Variants in ANKRD28 observed in about 807,000 individuals in gnomAD.
The protein encoded by ANKRD28 is serine/threonine-protein phosphatase 6 regulatory ankyrin repeat subunit A.
Under a neutral mutation model 126.5 loss-of-function variants are expected in ANKRD28, and 44 were observed. The observed-to-expected ratio is 0.35, with a 90% CI of 0.27 to 0.45. The LOEUF is 0.45. Among genes scored for constraint, ANKRD28 ranks in the 20% least tolerant of loss-of-function variants. The pLI is 1.00. For missense variants in ANKRD28, 1,110 were observed against 1,316.6 expected (o/e 0.84, Z 2.43); for synonymous variants, 442 against 468.5 (o/e 0.94, Z 0.73).
At chr3:15,775,997 A>C (rs1332108842) in intron 2 of ANKRD28, among the ~76,000 whole-genome samples, 1 of 152,168 alleles carries the variant, frequency 6.6e-6, no homozygotes, top group Non-Finnish European at 1.5e-5. Flanking sequence ...CTCATCTTTA[A>C]GCTATCTGAG....
chr3:15,764,914 T>C (rs533788247), intron 3 of ANKRD28, among the ~76,000 whole-genome samples: 16 of 152,310 alleles, frequency 1.1e-4, no homozygotes, highest in African/African-American at 3.1e-4. Flanking sequence ...AAATCTGATA[T>C]AGAAATAAGG....
chr3:15,800,027 C>A (rs2060430807), upstream of ANKRD28, among the ~76,000 whole-genome samples: 1 of 151,910 alleles, frequency 6.6e-6, no homozygotes, highest in Non-Finnish European at 1.5e-5. Flanking sequence ...AATAAGTGAA[C>A]AATTAAAATT....
chr3:15,765,984 T>C (rs2058718797), intron 3 of ANKRD28, among the ~76,000 whole-genome samples: 2 of 152,196 alleles, frequency 1.3e-5, no homozygotes, highest in Admixed American at 6.5e-5. Context: ...CTTGTATTTA[T>C]TGCTTGTTTT....
At chr3:15,721,413 C>T (rs2470520) in intron 7 of ANKRD28, among the ~76,000 whole-genome samples, 74,975 of 151,938 alleles carry the variant, frequency 0.49, 20,467 homozygotes, top group Middle Eastern at 0.6. Flanking sequence ...TTCAGGGAAA[C>T]GTAAACTAAT....
intron 8 of ANKRD28, among the ~76,000 whole-genome samples, chr3:15,715,483 T>C (rs2072896501): frequency 1.3e-5 from 2 of 152,238 alleles, no homozygotes; most frequent in East Asian, 1.9e-4. Context: ...ACTTAAGTGT[T>C]TGATTCCATA....
chr3:15,809,159 C>T (rs1273903359), intron 1 of ANKRD28, among the ~76,000 whole-genome samples: 3 of 152,156 alleles, frequency 2.0e-5, no homozygotes, highest in Non-Finnish European at 4.4e-5. Context: ...CAGTAGCCTT[C>T]CCTTACTTCA....
rs2125564444 is a variant in ANKRD28 at position 15,669,551 on chromosome 3, T to G, written c.*719A>C. 1 of 152,262 alleles carries G rather than the reference T, an allele frequency of 6.6e-6. No individual in the cohort carries two copies. Among genetic ancestry groups the G allele is most frequent in the East Asian group, 1.9e-4 (1 of 5,186 alleles). 9.4% of individuals were successfully genotyped at this position (152,262 alleles called of 1,614,324 possible). A position where few individuals can be genotyped will look rare whatever the true frequency, so the allele number is the denominator to read the frequency against. ...ACCCGTATTGCACCCAGTCAGCTGG[T>G]TTTTAATTCTAATAGTATAAAAATT... On this transcript the variant is annotated 3_prime_UTR_variant, in exon 28 of 28. Coordinates refer to ENST00000683139, the MANE Select transcript of ANKRD28 (RefSeq NM_001349278.2).
rs144915001 is a variant in ANKRD28, at chr3:15,768,777, G to A, written c.202-2465C>T. 7.6e-3 allele frequency among the ~76,000 whole-genome samples: 1,152 copies of A among 152,274 alleles called. 6 individuals carry two copies. Among genetic ancestry groups the A allele is most frequent in the African/African-American group, 8.5e-3 (355 of 41,542 alleles). Reference sequence around the variant, plus strand: ...CCTTAAAATAGTAACAGGTGTTCCAGTAAAGGGAGGTTGATATAGTGCCAA... The same window carrying A: ...CCTTAAAATAGTAACAGGTGTTCCAATAAAGGGAGGTTGATATAGTGCCAA... On this transcript the variant is annotated intron_variant, in intron 2 of 27. Transcript: ENST00000683139.
intron 4 of ANKRD28, among the ~76,000 whole-genome samples, chr3:15,743,371 C>CA (rs1223422962): frequency 3.4e-5 from 5 of 147,840 alleles, no homozygotes; most frequent in African/African-American, 1.3e-4. Context: ...AACAAACAAA[C>CA]AAACAAAAAA....
intron 3 of ANKRD28, chr3:15,756,551 C>A (rs190351938): frequency 1.3e-5 from 13 of 982,396 alleles, no homozygotes; most frequent in South Asian, 4.7e-5. Flanking sequence ...AAGACACAGT[C>A]ATGGGTTAGT....
chr3:15,755,015 G>A (rs2058078044), intron 3 of ANKRD28, among the ~76,000 whole-genome samples: 1 of 152,096 alleles, frequency 6.6e-6, no homozygotes, highest in Non-Finnish European at 1.5e-5. Context: ...AAGCTTCCAA[G>A]CTACTCGGGA....
intron 1 of ANKRD28, among the ~76,000 whole-genome samples, chr3:15,796,031 T>C (rs73040264): frequency 0.088 from 13,428 of 152,206 alleles, 791 homozygotes; most frequent in East Asian, 0.33. Flanking sequence ...GAAAAGGCCA[T>C]GCCTTAGTGT....
At chr3:15,728,998 A>G (rs746999857) in intron 6 of ANKRD28, among the ~76,000 whole-genome samples, 3 of 152,218 alleles carry the variant, frequency 2.0e-5, no homozygotes, top group Non-Finnish European at 4.4e-5. Flanking sequence ...ACCCAGGCTC[A>G]TGTAACTGAC....
At chr3:15,798,212 C>CGGCTTAACT (rs1201405658), upstream of ANKRD28, 185 of 971,988 alleles carry the variant, frequency 1.9e-4, no homozygotes, top group Non-Finnish European at 2.2e-4. Flanking sequence ...CAATTCCAAA[C>CGGCTTAACT]GGCTTAACTG....
chr3:15,743,938 A>C (rs538990330), intron 4 of ANKRD28, among the ~76,000 whole-genome samples: 1 of 152,236 alleles, frequency 6.6e-6, no homozygotes, highest in Non-Finnish European at 1.5e-5. Flanking sequence ...AGAATTTAGA[A>C]AACAGTCACT....
rs1466595814 is a variant in ANKRD28 at position 15,814,062 on chromosome 3, C to A, written c.28-18756G>T. ...ACGGCTATACTAAGTCTTCCACTAA[C>A]ACAGGGTCCACTACTATAAATGTTT... On this transcript the variant is annotated intron_variant, in intron 1 of 27. Transcript: ENST00000399451. The surrounding 1 kb of genome is among the most constrained non-coding windows in gnomAD (Gnocchi z 4.7). 6.6e-6 allele frequency among the ~76,000 whole-genome samples: 1 copy of A among 152,170 alleles called. No individual in the cohort carries two copies. The highest frequency in any genetic ancestry group is 2.4e-5 in the African/African-American group (1 of 41,428).
intron 1 of ANKRD28, among the ~76,000 whole-genome samples, chr3:15,795,919 A>T (rs949993490): frequency 3.3e-5 from 5 of 152,198 alleles, no homozygotes; most frequent in African/African-American, 1.2e-4. Flanking sequence ...GGTATACTAT[A>T]CTAGTCAAGG....
intron 2 of ANKRD28, among the ~76,000 whole-genome samples, chr3:15,769,213 C>T (rs945296845): frequency 8.5e-5 from 13 of 152,116 alleles, no homozygotes; most frequent in African/African-American, 3.1e-4. Flanking sequence ...TCTCGAATCC[C>T]ATTAATGTGT....
chr3:15,833,441 G>A lies in ANKRD28; in HGVS notation c.27+25936C>T, dbSNP rs1487819535. On this transcript the variant is annotated intron_variant, in intron 1 of 27. Transcript: ENST00000399451. The surrounding 1 kb of genome is among the most constrained non-coding windows in gnomAD (Gnocchi z 4.4). ...CAGATGCCCTACTGTGGGACCTTGT[G>A]ATCATGTGAGTTAATACTTAAACTC... is the stretch of plus-strand genomic sequence containing the variant. 1.3e-5 allele frequency among the ~76,000 whole-genome samples: 2 copies of A among 151,002 alleles called. No homozygotes were observed. Among genetic ancestry groups the A allele is most frequent in the Admixed American group, 1.3e-4 (2 of 15,138 alleles).
Sources: allele counts gnomAD v4.1 joint callset (sites outside exome capture counted in the v4.1 genomes callset), GRCh38; gene constraint gnomAD v4.1.1; non-coding constraint Gnocchi (gnomAD v3.1); transcripts MANE v1.5; gene names NCBI Gene and HGNC (gene_info 2026-07-23, HGNC 2026-07-21).